The following CSF2RA variants were observed in gnomAD, a reference collection of about 807,000 sequenced individuals.
The protein encoded by CSF2RA is colony stimulating factor 2 receptor subunit alpha.
Under a neutral mutation model 51.6 loss-of-function variants are expected in CSF2RA, and 42 were observed. That is an observed-to-expected ratio of 0.81 (90% confidence interval 0.64 to 1.05). The LOEUF (loss-of-function observed/expected upper bound fraction) is 1.05. Among genes scored for constraint, CSF2RA ranks in the 50% least tolerant of loss-of-function variants. The pLI, the probability that CSF2RA is intolerant of heterozygous loss-of-function variation, is 0.00. For synonymous variants in CSF2RA, 222 were observed against 193.0 expected (o/e 1.15, Z -1.24); for missense variants, 530 against 501.1 (o/e 1.06, Z -0.55).
chrX:1,320,809 C>G, the CSF2RA span, among the ~76,000 whole-genome samples: 1 of 151,452 alleles, frequency 6.6e-6, no homozygotes, highest in Non-Finnish European at 1.5e-5. Flanking sequence ...CTGCACCCAG[C>G]CTGTTTTGTC....
At chrX:1,302,978 T>C in intron 10 of CSF2RA, 1 of 247,542 alleles carries the variant, frequency 4.0e-6, no homozygotes, top group Non-Finnish European at 7.4e-6. Context: ...TTCAAGCGAT[T>C]CTCCTGCCTC....
At chrX:1,288,985 A>G (rs1403643333) in intron 6 of CSF2RA, 97 bp downstream of exon 6, 12 of 1,535,572 alleles carry the variant, frequency 7.8e-6, no homozygotes, top group Middle Eastern at 4.4e-4. Context: ...TTTTTAAGAC[A>G]TGGTCTTGCT....
chrX:1,307,504 C>CCAT (rs1333290537), intron 12 of CSF2RA, among the ~76,000 whole-genome samples: 69 of 124,472 alleles, frequency 5.5e-4, no homozygotes, highest in African/African-American at 1.6e-3. Context: ...ATGAGGCCCA[C>CCAT]TCTCCCCGTT....
At chrX:1,271,138 T>G (rs1367897051) in intron 1 of CSF2RA, among the ~76,000 whole-genome samples, 1 of 151,908 alleles carries the variant, frequency 6.6e-6, no homozygotes, top group East Asian at 1.9e-4. Context: ...TGTTGCGCGT[T>G]TTATAGGTGT....
chrX:1,289,258 G>C (rs1234375349), intron 6 of CSF2RA, among the ~76,000 whole-genome samples: 2 of 152,284 alleles, frequency 1.3e-5, no homozygotes, highest in Middle Eastern at 3.4e-3. Flanking sequence ...CTCCCAAGTA[G>C]CTGGGACTAC....
intron 8 of CSF2RA, 25 bp downstream of exon 8, chrX:1,294,486 G>A (rs780452863): frequency 6.2e-7 from 1 of 1,609,618 alleles, no homozygotes; most frequent in African/African-American, 1.4e-5. Context: ...CCCGGGGCTG[G>A]GCACCAGGAG....
chrX:1,308,373 G>C (rs1450528444), intron 12 of CSF2RA, among the ~76,000 whole-genome samples: 2 of 152,082 alleles, frequency 1.3e-5, no homozygotes, highest in African/African-American at 4.8e-5. Flanking sequence ...GAAGGTGAGA[G>C]GGGGAGGAAA....
chrX:1,307,445 G>C (rs867882728), intron 12 of CSF2RA, among the ~76,000 whole-genome samples: 1 of 134,448 alleles, frequency 7.4e-6, no homozygotes, highest in East Asian at 2.2e-4. Flanking sequence ...TAGACCTTCA[G>C]CTTATTAGAT....
chrX:1,285,768 C>T lies in CSF2RA; in HGVS notation c.77-10C>T, dbSNP rs776212515. On this transcript the variant is annotated splice_polypyrimidine_tract_variant and intron_variant, in intron 3 of 12. Transcript: ENST00000381529. ...GAGGAAATTCTGAACCCAGTGCCCG[C>T]TCCTTGCAGATCTGCGAACAGTGGC... 1 of 1,612,138 alleles carries T rather than the reference C, an allele frequency of 6.2e-7. No individual in the cohort carries two copies. The highest frequency in any genetic ancestry group is 1.3e-5 in the African/African-American group (1 of 74,544).
At chrX:1,324,580 G>C in the CSF2RA span, among the ~76,000 whole-genome samples, 4 of 149,668 alleles carry the variant, frequency 2.7e-5, no homozygotes, top group African/African-American at 9.9e-5. Context: ...AGGAAGGAAA[G>C]AAAGAAAGAG....
At position 1,294,437 on chromosome X, in the gene CSF2RA, G is replaced by C. The variant is rs145205587; in HGVS notation, c.756G>C (p.Gln252His). The change falls in exon 8 of 13, where the codon CAG becomes CAC. Residue 252 changes from glutamine (Q) to histidine (H), a missense_variant. Physicochemically the swap from Gln to His is conservative, Grantham distance 24. Transcript: ENST00000381529. The part of the protein sequence containing the change: ...TYQKLSYLDF[Q>H]YQLDVHRKNT... ...AGAAGCTGTCGTACCTGGACTTTCAGTACCAGCTGGACGTCCACAGAAAGG... is the reference window on the plus strand; with the variant it reads ...AGAAGCTGTCGTACCTGGACTTTCACTACCAGCTGGACGTCCACAGAAAGG... The C allele has an allele frequency of 1.1e-5, 17 of 1,612,086 alleles. No individual in the cohort carries two copies. The African/African-American group carries it at 1.6e-4, about 16-fold the overall frequency.
At chrX:1,318,455 G>A in the CSF2RA span, among the ~76,000 whole-genome samples, 8 of 151,640 alleles carry the variant, frequency 5.3e-5, no homozygotes, top group Non-Finnish European at 7.4e-5. Flanking sequence ...GAGCCACTGC[G>A]CCAGGCCGAA....
chrX:1,314,280 CCCACT>C (rs1569514731), downstream of CSF2RA, among the ~76,000 whole-genome samples: 2 of 77,170 alleles, frequency 2.6e-5, no homozygotes, highest in Non-Finnish European at 6.3e-5. Context: ...CCTGCCCAAC[CCCACT>C]GCATCTGCCC....
chrX:1,278,268 G>A (rs1471103270), intron 2 of CSF2RA, among the ~76,000 whole-genome samples: 1 of 150,142 alleles, frequency 6.7e-6, no homozygotes, highest in African/African-American at 2.5e-5. Flanking sequence ...GGGAGACGGA[G>A]GTTGCAGTGA....
intron 12 of CSF2RA, among the ~76,000 whole-genome samples, chrX:1,308,507 G>A (rs2083904217): frequency 6.6e-6 from 1 of 151,928 alleles, no homozygotes; most frequent in African/African-American, 2.4e-5. Flanking sequence ...AGACCCCGTG[G>A]GTGGCCCTCT....
At chrX:1,299,537 C>G (rs1477078225) in intron 9 of CSF2RA, among the ~76,000 whole-genome samples, 2 of 152,162 alleles carry the variant, frequency 1.3e-5, no homozygotes, top group African/African-American at 4.8e-5. Flanking sequence ...CCTGCCTCAG[C>G]CTCCCTACAG....
intron 10 of CSF2RA, among the ~76,000 whole-genome samples, chrX:1,301,288 C>G (rs368216064): frequency 2.1e-5 from 3 of 141,078 alleles, no homozygotes. Flanking sequence ...GCTGGGGTCA[C>G]GCCATTGCAC....
At chrX:1,310,055 C>A (rs185389555), downstream of CSF2RA, 2 of 349,758 alleles carry the variant, frequency 5.7e-6, no homozygotes, top group African/African-American at 4.3e-5. Context: ...ATTAGCTGGG[C>A]GTGGTGGCTT....
chrX:1,314,061 G>C (rs767369071), downstream of CSF2RA, among the ~76,000 whole-genome samples: 2 of 152,034 alleles, frequency 1.3e-5, no homozygotes, highest in East Asian at 3.9e-4. Context: ...ACAGCCAGCA[G>C]AGATAGGGCC....
Sources: gnomAD v4.1 joint callset for allele counts (sites outside exome capture counted in the v4.1 genomes callset) on GRCh38, gnomAD v4.1.1 for gene constraint, MANE v1.5 for transcripts, NCBI Gene and HGNC (gene_info 2026-07-23, HGNC 2026-07-21) for gene names.